ZFAT: variants seen among roughly 807,000 people sequenced by gnomAD.
ZFAT encodes zinc finger and AT-hook domain containing, also known as zinc finger protein ZFAT.
In ZFAT, 64 loss-of-function variants were observed where a neutral mutation model predicts 117.7. That is an observed-to-expected ratio of 0.54 (90% CI 0.44 to 0.67). The LOEUF is 0.67. ZFAT is among the 30% of genes least tolerant of loss of function. ZFAT has a pLI of 0.00. For synonymous variants in ZFAT, 679 were observed against 615.0 expected, an observed-to-expected ratio of 1.10 and a Z score of -1.54; for missense variants, 1,433 against 1,584.5, an observed-to-expected ratio of 0.90 and a Z score of 1.62.
Position 134,484,025 on chromosome 8 carries a change from G to A in ZFAT, c.3493-5304C>T, listed in dbSNP as rs192250354. Among the ~76,000 whole-genome samples the A allele has an allele frequency of 2.4e-3, 362 of 152,016 alleles. 2 individuals are homozygous for A. The highest frequency in any genetic ancestry group is 8.2e-3 in the African/African-American group (341 of 41,434). On this transcript the variant is annotated intron_variant, in intron 15 of 15. Coordinates refer to ENST00000377838, the MANE Select transcript of ZFAT (RefSeq NM_020863.4). ...TCTAGCTCCTCTCCTCACTTCCTTC[G>A]TAAAACCCATTCCTCTCAGGTTAAG... is the stretch of plus-strand genomic sequence containing the variant.
the ZFAT span, among the ~76,000 whole-genome samples, chr8:134,814,748 T>G: frequency 1.3e-5 from 2 of 152,346 alleles, no homozygotes; most frequent in African/African-American, 4.8e-5. Flanking sequence ...CTGTGTTTAC[T>G]TGTCTGTTTC....
At chr8:134,786,601 G>T in the ZFAT span, among the ~76,000 whole-genome samples, 6 of 152,002 alleles carry the variant, frequency 3.9e-5, no homozygotes, top group African/African-American at 9.7e-5. Context: ...TCTCCCATAT[G>T]GAAATAATCC....
chr8:134,602,515 G>C lies in ZFAT; in HGVS notation c.1204C>G (p.Leu402Val). Residue 402 changes from leucine to valine, a missense_variant, in exon 6 of 16, where the codon CTG (leucine) becomes GTG (valine). This residue lies in a region of ZFAT where 73 missense variants were observed against 122.0 expected (regional missense o/e 0.60). Transcript: ENST00000377838. ...CLMTREGKRQ[L>V]LYDCHICERK... ...TCACAGATGTGGCAGTCATAGAGCA[G>C]CTGCCGCTTGCCCTCCCTCGTCATC... 6.2e-7 allele frequency: 1 copy of C among 1,613,930 alleles called. No homozygotes were observed. The highest frequency in any genetic ancestry group is 1.1e-5 in the South Asian group (1 of 91,076).
chr8:134,517,421 T>C (rs907009158), intron 13 of ZFAT, among the ~76,000 whole-genome samples: 1 of 152,194 alleles, frequency 6.6e-6, no homozygotes, highest in Non-Finnish European at 1.5e-5. Flanking sequence ...TTATCTTTTG[T>C]AACTGCTTTA....
At chr8:134,672,246 A>C (rs1296202286) in intron 1 of ZFAT, among the ~76,000 whole-genome samples, 3 of 152,246 alleles carry the variant, frequency 2.0e-5, no homozygotes, top group African/African-American at 4.8e-5. Context: ...CAGAATTGGA[A>C]AAAACTACTT....
intron 2 of ZFAT, among the ~76,000 whole-genome samples, chr8:134,654,825 A>G (rs182554125): frequency 3.7e-4 from 57 of 152,360 alleles, no homozygotes; most frequent in Middle Eastern, 6.8e-3. Context: ...TAAGAGCTGA[A>G]CAGCCCAAAT....
the ZFAT span, among the ~76,000 whole-genome samples, chr8:134,829,594 C>T: frequency 6.6e-6 from 1 of 152,182 alleles, no homozygotes. Context: ...TAGATAAATA[C>T]CATTTAAAGG....
chr8:134,822,103 T>G, the ZFAT span, among the ~76,000 whole-genome samples: 1 of 152,142 alleles, frequency 6.6e-6, no homozygotes, highest in African/African-American at 2.4e-5. Flanking sequence ...ATGACCTAAC[T>G]CACCATTTTC....
At chr8:134,801,221 G>A in the ZFAT span, among the ~76,000 whole-genome samples, 1 of 151,800 alleles carries the variant, frequency 6.6e-6, no homozygotes. Flanking sequence ...TTTCATCTCA[G>A]GCACATCTTT....
chr8:134,717,206 C>T (rs1290338470), upstream of ZFAT, among the ~76,000 whole-genome samples: 2 of 152,070 alleles, frequency 1.3e-5, no homozygotes, highest in Non-Finnish European at 2.9e-5. Context: ...GGACCCAAGA[C>T]TTCATGCACA....
intron 3 of ZFAT, among the ~76,000 whole-genome samples, chr8:134,612,419 A>G (rs1173925616): frequency 6.6e-6 from 1 of 152,208 alleles, no homozygotes; most frequent in South Asian, 2.1e-4. Context: ...ACCCCAAGTA[A>G]TTGTACCAAG....
chr8:134,488,276 G>A (rs995145991), intron 15 of ZFAT, among the ~76,000 whole-genome samples: 2 of 152,232 alleles, frequency 1.3e-5, no homozygotes, highest in African/African-American at 4.8e-5. Context: ...GTTTGCTGGG[G>A]CTGGAAGTGA....
At chr8:134,660,491 G>A (rs915153416) in intron 1 of ZFAT, among the ~76,000 whole-genome samples, 2 of 152,218 alleles carry the variant, frequency 1.3e-5, no homozygotes, top group Non-Finnish European at 2.9e-5. Flanking sequence ...AGACAGAGAT[G>A]AATCAGGCAT....
chr8:134,551,632 G>A (rs1203562558), intron 11 of ZFAT, among the ~76,000 whole-genome samples: 2 of 152,090 alleles, frequency 1.3e-5, no homozygotes, highest in Non-Finnish European at 2.9e-5. Context: ...TAAATGTGTG[G>A]CTTCCAAACA....
At chr8:134,507,826 G>A (rs527989260) in intron 15 of ZFAT, among the ~76,000 whole-genome samples, 4 of 152,152 alleles carry the variant, frequency 2.6e-5, no homozygotes, top group South Asian at 2.1e-4. Flanking sequence ...AGGATTTTGC[G>A]TGTATGAAAC....
At chr8:134,773,764 G>T in the ZFAT span, among the ~76,000 whole-genome samples, 1 of 152,164 alleles carries the variant, frequency 6.6e-6, no homozygotes, top group South Asian at 2.1e-4. Flanking sequence ...AAGAGCAAGA[G>T]AACTAGAAGT....
chr8:134,696,340 G>A (rs1263875171), intron 1 of ZFAT: 45 of 976,350 alleles, frequency 4.6e-5, no homozygotes, highest in Non-Finnish European at 5.4e-5. Context: ...TGCTATAGGC[G>A]ACCAGGAGTG....
intron 11 of ZFAT, among the ~76,000 whole-genome samples, chr8:134,559,521 T>C (rs1482555473): frequency 3.9e-5 from 6 of 152,236 alleles, no homozygotes; most frequent in Non-Finnish European, 7.3e-5. Context: ...ATTTCATGCA[T>C]CTGCAAGTAT....
chr8:134,814,950 T>C, the ZFAT span, among the ~76,000 whole-genome samples: 74 of 152,280 alleles, frequency 4.9e-4, no homozygotes, highest in Non-Finnish European at 9.0e-4. Context: ...AATAGTAAAA[T>C]CCAGGTTTAT....
Sources: allele counts gnomAD v4.1 joint callset (sites outside exome capture counted in the v4.1 genomes callset), GRCh38; gene constraint gnomAD v4.1.1; regional missense constraint gnomAD v4.1.1; transcripts MANE v1.5; gene names NCBI Gene and HGNC (gene_info 2026-07-23, HGNC 2026-07-21).